Variants in MACC1 observed in about 807,000 individuals in gnomAD.
The protein encoded by MACC1 is metastasis-associated in colon cancer protein 1.
A neutral mutation model predicts 70.7 loss-of-function variants in MACC1; 79 were observed. That is an observed-to-expected ratio of 1.12 (90% CI 0.93 to 1.35). MACC1 has a LOEUF of 1.35. Ranked by LOEUF, MACC1 falls within the 40% of genes most tolerant of loss-of-function variation. MACC1 has a pLI of 0.00. For missense variants in MACC1, 1,106 were observed against 978.1 expected, an observed-to-expected ratio of 1.13 and a Z score of -1.74; for synonymous variants, 361 against 347.2, an observed-to-expected ratio of 1.04 and a Z score of -0.44.
intron 1 of MACC1, among the ~76,000 whole-genome samples, chr7:20,186,378 G>A (rs1351299910): frequency 6.6e-6 from 1 of 151,910 alleles, no homozygotes; most frequent in Non-Finnish European, 1.5e-5. Flanking sequence ...CTCATACTAA[G>A]TAATTAAAAA....
intron 1 of MACC1, among the ~76,000 whole-genome samples, chr7:20,179,779 T>C (rs1782471465): frequency 6.6e-6 from 1 of 152,234 alleles, no homozygotes; most frequent in Non-Finnish European, 1.5e-5. Flanking sequence ...AATAAGATTC[T>C]GGTCTTCTGT....
intron 2 of MACC1, among the ~76,000 whole-genome samples, chr7:20,165,533 A>G (rs1380314695): frequency 2.3e-5 from 2 of 86,574 alleles, no homozygotes; most frequent in Non-Finnish European, 4.1e-5. Flanking sequence ...GAGGTGGTAT[A>G]GGGGAAAAAA....
At chr7:20,172,875 G>A (rs574398395) in intron 1 of MACC1, among the ~76,000 whole-genome samples, 6 of 152,302 alleles carry the variant, frequency 3.9e-5, no homozygotes, top group African/African-American at 1.4e-4. Flanking sequence ...AAGCTAGTGG[G>A]TTCCTTGTGA....
chr7:20,208,828 G>C (rs1001406097), intron 1 of MACC1, among the ~76,000 whole-genome samples: 12 of 152,192 alleles, frequency 7.9e-5, no homozygotes, highest in African/African-American at 2.9e-4. Context: ...AGGGAAAAAC[G>C]GTTTCGTGGG....
chr7:20,173,160 G>C (rs376770195), intron 1 of MACC1, among the ~76,000 whole-genome samples: 1 of 152,080 alleles, frequency 6.6e-6, no homozygotes, highest in Admixed American at 6.5e-5. Flanking sequence ...TTTATAAAAA[G>C]TTTCTGGGAG....
At chr7:20,189,750 A>ACACACACACAC (rs1554291002) in intron 1 of MACC1, among the ~76,000 whole-genome samples, 23 of 117,778 alleles carry the variant, frequency 2.0e-4, no homozygotes, top group African/African-American at 8.2e-4. Flanking sequence ...CAAACACATA[A>ACACACACACAC]ACACACACAC....
chr7:20,215,830 GT>G (rs1330989699), intron 1 of MACC1, among the ~76,000 whole-genome samples: 1 of 152,048 alleles, frequency 6.6e-6, no homozygotes, highest in Non-Finnish European at 1.5e-5. Flanking sequence ...TGCCTTAATA[GT>G]TTTTATTATC....
chr7:20,179,678 G>T (rs1583399676), intron 1 of MACC1, among the ~76,000 whole-genome samples: 1 of 151,818 alleles, frequency 6.6e-6, no homozygotes, highest in African/African-American at 2.4e-5. Flanking sequence ...AGGAGTTGTT[G>T]TTTTTTTTGT....
At chr7:20,198,689 T>C (rs1782788760) in intron 1 of MACC1, 1 of 152,250 alleles carries the variant, frequency 6.6e-6, no homozygotes, top group African/African-American at 2.4e-5. Context: ...GCAAGATTTT[T>C]ACAGGGTTAT....
chr7:20,167,230 C>G (rs1467312349), intron 2 of MACC1, among the ~76,000 whole-genome samples: 4 of 151,660 alleles, frequency 2.6e-5, no homozygotes, highest in African/African-American at 4.8e-5. Context: ...GAATTTTGCT[C>G]TGTCGCCCAG....
At chr7:20,209,083 C>T (rs909157144) in intron 1 of MACC1, among the ~76,000 whole-genome samples, 1 of 152,214 alleles carries the variant, frequency 6.6e-6, no homozygotes, top group African/African-American at 2.4e-5. Context: ...GCCTGGATAT[C>T]TAGGCAGAAG....
chr7:20,187,209 A>T (rs1181988967), intron 1 of MACC1, among the ~76,000 whole-genome samples: 1 of 152,206 alleles, frequency 6.6e-6, no homozygotes, highest in East Asian at 1.9e-4. Flanking sequence ...ATGAGCATAC[A>T]TTATTTCATA....
chr7:20,203,748 T>C (rs758130639), intron 1 of MACC1, among the ~76,000 whole-genome samples: 2 of 152,206 alleles, frequency 1.3e-5, no homozygotes, highest in African/African-American at 2.4e-5. Flanking sequence ...ATATTGCCAA[T>C]TGGGATTTTT....
chr7:20,203,347 G>A (rs1238683407), intron 1 of MACC1, among the ~76,000 whole-genome samples: 2 of 152,062 alleles, frequency 1.3e-5, no homozygotes, highest in African/African-American at 4.8e-5. Context: ...GCTACTGAGG[G>A]CTCCGAAGTT....
chr7:20,191,913 C>T (rs939077865), intron 1 of MACC1, among the ~76,000 whole-genome samples: 7 of 152,064 alleles, frequency 4.6e-5, no homozygotes, highest in Non-Finnish European at 1.0e-4. Context: ...TTATTTAGGA[C>T]GACTATGCCT....
At chr7:20,183,081 T>C (rs997540159) in intron 1 of MACC1, among the ~76,000 whole-genome samples, 7 of 152,222 alleles carry the variant, frequency 4.6e-5, no homozygotes, top group Admixed American at 1.3e-4. Flanking sequence ...TATGATAAGA[T>C]GCCTCATCCA....
At chr7:20,203,684 C>T (rs548627074) in intron 1 of MACC1, among the ~76,000 whole-genome samples, 5 of 152,196 alleles carry the variant, frequency 3.3e-5, no homozygotes, top group Admixed American at 3.3e-4. Context: ...GTTCATTCCC[C>T]CTTTATTTTT....
chr7:20,215,231 T>C (rs1329468976), intron 1 of MACC1, among the ~76,000 whole-genome samples: 6 of 152,180 alleles, frequency 3.9e-5, no homozygotes, highest in African/African-American at 1.4e-4. Flanking sequence ...GAATGACTAA[T>C]GAATTAGCAC....
intron 3 of MACC1, among the ~76,000 whole-genome samples, chr7:20,162,324 T>C (rs757862514): frequency 1.3e-5 from 2 of 152,186 alleles, no homozygotes; most frequent in Non-Finnish European, 2.9e-5. Context: ...ACTTCTTTTT[T>C]AATAGTTAAA....
Sources: allele counts gnomAD v4.1 joint callset (sites outside exome capture counted in the v4.1 genomes callset), GRCh38; gene constraint gnomAD v4.1.1; transcripts MANE v1.5; gene names NCBI Gene and HGNC (gene_info 2026-07-23, HGNC 2026-07-21).